COL11A1: variants seen among roughly 807,000 people sequenced by gnomAD.
COL11A1 encodes collagen type XI alpha 1 chain, also known as collagen alpha-1(XI) chain.
Under a neutral mutation model 265.2 loss-of-function variants are expected in COL11A1, and 74 were observed. That is an observed-to-expected ratio of 0.28 (90% CI 0.23 to 0.34). The LOEUF (loss-of-function observed/expected upper bound fraction) is 0.34, where lower values mean the gene tolerates loss of function less well. Ranked by LOEUF, COL11A1 falls within the 10% of genes least tolerant of loss-of-function variation. The pLI is 1.00. For synonymous variants in COL11A1, 816 were observed against 727.6 expected (o/e 1.12, Z -1.96); for missense variants, 2,165 against 2,263.6 (o/e 0.96, Z 0.88).
chr1:103,051,409 CG>C (rs1335352817), intron 4 of COL11A1, among the ~76,000 whole-genome samples: 1 of 152,168 alleles, frequency 6.6e-6, no homozygotes, highest in African/African-American at 2.4e-5. Context: ...GAGCCATGTG[CG>C]GGATATAATC....
intron 5 of COL11A1, among the ~76,000 whole-genome samples, chr1:103,028,560 T>A (rs753612930): frequency 6.6e-6 from 1 of 152,136 alleles, no homozygotes. Context: ...CTAGTTATAA[T>A]CAATCAGACA....
At chr1:102,939,122 C>T (rs747994388) in intron 43 of COL11A1, 34 bp from the exon 44 acceptor site, 1 of 1,574,722 alleles carries the variant, frequency 6.4e-7, no homozygotes, top group Non-Finnish European at 8.7e-7. Flanking sequence ...GAGTTTATCT[C>T]TAACATGCTA....
intron 4 of COL11A1, among the ~76,000 whole-genome samples, chr1:103,072,063 C>T (rs1236275854): frequency 6.6e-6 from 1 of 151,250 alleles, no homozygotes; most frequent in African/African-American, 2.4e-5. Flanking sequence ...TTTGTCATCC[C>T]CAAATCAATT....
chr1:103,105,622 T>C (rs576698049), intron 1 of COL11A1, among the ~76,000 whole-genome samples: 6 of 152,270 alleles, frequency 3.9e-5, no homozygotes, highest in African/African-American at 1.4e-4. Context: ...ATCTTATCAC[T>C]GTACCTCAAT....
chr1:102,898,250 T>A, intron 56 of COL11A1, 72 bp from the exon 57 acceptor site: 1 of 725,788 alleles, frequency 1.4e-6, no homozygotes, highest in East Asian at 5.0e-5. Context: ...ATTTTAAATT[T>A]TAGAAATACA....
At position 102,890,516 on chromosome 1, in the gene COL11A1, CAAA is replaced by C. The variant is rs35232764; in HGVS notation, c.4303-15_4303-13del. The C allele has an allele frequency of 1.4e-6, 2 of 1,417,210 alleles. No homozygotes were observed. The highest frequency in any genetic ancestry group is 2.9e-5 in the African/African-American group (2 of 69,260). The allele number at this position is 1,417,210 out of a possible 1,614,324, so 87.8% of individuals were successfully genotyped here. On this transcript the variant is annotated splice_polypyrimidine_tract_variant and intron_variant, in intron 57 of 66. Coordinates refer to ENST00000370096, the MANE Select transcript of COL11A1 (RefSeq NM_001854.4). Reference sequence around the variant, plus strand: ...AAGCCAGGAGGTCCCTAAATAATAACAAAAAAAAAACCCCAAAACAAAAACAGA... The same window carrying C: ...AAGCCAGGAGGTCCCTAAATAATAACAAAAAAACCCCAAAACAAAAACAGA...
chr1:102,951,856 C>T lies in COL11A1; in HGVS notation c.3169-4900G>A, dbSNP rs141110304. 3.3e-5 allele frequency among the ~76,000 whole-genome samples: 5 copies of T among 152,058 alleles called. 1 individual carries two copies. The highest frequency in any genetic ancestry group is 1.2e-4 in the African/African-American group (5 of 41,508). On this transcript the variant is annotated intron_variant, in intron 41 of 66. Transcript: ENST00000370096. ...AATTGCTATTGAATGTATATTTTCCCTGTAAGAAATGGTTTCAAAATGAAA... is the reference window on the plus strand; with the variant it reads ...AATTGCTATTGAATGTATATTTTCCTTGTAAGAAATGGTTTCAAAATGAAA...
At chr1:102,942,525 T>G (rs1658830426) in intron 42 of COL11A1, among the ~76,000 whole-genome samples, 1 of 151,468 alleles carries the variant, frequency 6.6e-6, no homozygotes, top group Non-Finnish European at 1.5e-5. Context: ...TCTCTCCTTG[T>G]AACCGTTCTT....
chr1:103,083,151 A>T (rs1047751014), intron 1 of COL11A1, among the ~76,000 whole-genome samples, 179 bp from the exon 2 acceptor site: 4 of 152,052 alleles, frequency 2.6e-5, no homozygotes, highest in African/African-American at 9.7e-5. Context: ...AATATAAACC[A>T]TAACAACATT....
chr1:102,943,287 G>C (rs1658921924), intron 42 of COL11A1, among the ~76,000 whole-genome samples: 1 of 151,652 alleles, frequency 6.6e-6, no homozygotes, highest in African/African-American at 2.4e-5. Context: ...AATCAATTTA[G>C]AATTAATCTA....
chr1:102,924,151 G>A (rs1656313403), intron 46 of COL11A1, among the ~76,000 whole-genome samples: 2 of 152,116 alleles, frequency 1.3e-5, no homozygotes, highest in Admixed American at 1.3e-4. Flanking sequence ...AACTCCGGAG[G>A]TGGAGCTTGC....
intron 5 of COL11A1, among the ~76,000 whole-genome samples, chr1:103,030,273 A>G (rs1456993111): frequency 1.3e-5 from 2 of 152,098 alleles, no homozygotes; most frequent in Admixed American, 6.5e-5. Flanking sequence ...GTCATGGAAA[A>G]TATCAGTGCA....
At chr1:103,005,258 T>A (rs1217213708) in intron 18 of COL11A1, among the ~76,000 whole-genome samples, 1 of 152,160 alleles carries the variant, frequency 6.6e-6, no homozygotes, top group Non-Finnish European at 1.5e-5. Flanking sequence ...AAGAAAGATG[T>A]GAAGATCTAA....
intron 36 of COL11A1, among the ~76,000 whole-genome samples, chr1:102,972,866 C>G (rs1473882554): frequency 6.6e-6 from 1 of 151,938 alleles, no homozygotes; most frequent in South Asian, 2.1e-4. Flanking sequence ...TTAATCATTT[C>G]AAGTTAATGT....
chr1:103,071,223 C>T (rs545607030), intron 4 of COL11A1, among the ~76,000 whole-genome samples: 1 of 151,158 alleles, frequency 6.6e-6, no homozygotes, highest in East Asian at 1.9e-4. Flanking sequence ...TATGAAAGAC[C>T]TGCAATAATC....
chr1:102,892,319 T>G (rs192713394), intron 57 of COL11A1, among the ~76,000 whole-genome samples: 2 of 152,324 alleles, frequency 1.3e-5, no homozygotes, highest in East Asian at 3.9e-4. Context: ...AAGGCTACCA[T>G]GAGTAATATT....
At chr1:103,100,882 T>C (rs1276122743) in intron 1 of COL11A1, among the ~76,000 whole-genome samples, 1 of 151,954 alleles carries the variant, frequency 6.6e-6, no homozygotes, top group African/African-American at 2.4e-5. Context: ...AATCAGTATT[T>C]TGATATCAGC....
At chr1:103,088,966 C>A (rs1192480775) in intron 1 of COL11A1, among the ~76,000 whole-genome samples, 2 of 152,204 alleles carry the variant, frequency 1.3e-5, no homozygotes, top group Non-Finnish European at 2.9e-5. Context: ...CCAATAAAAA[C>A]TATCGACTCG....
At chr1:102,978,816 A>C (rs542020161) in intron 34 of COL11A1, 44 bp downstream of exon 34, 1 of 1,614,040 alleles carries the variant, frequency 6.2e-7, no homozygotes, top group African/African-American at 1.3e-5. Context: ...TGCCTGGAAA[A>C]AAAATCTACA....
Sources: allele counts gnomAD v4.1 joint callset (sites outside exome capture counted in the v4.1 genomes callset), GRCh38; gene constraint gnomAD v4.1.1; transcripts MANE v1.5; gene names NCBI Gene and HGNC (gene_info 2026-07-23, HGNC 2026-07-21).